GFRA1: variants seen among roughly 807,000 people sequenced by gnomAD.
GFRA1 encodes GDNF family receptor alpha-1.
In GFRA1, 16 loss-of-function variants were observed where a neutral mutation model predicts 51.6. The observed-to-expected ratio is 0.31, with a 90% CI of 0.21 to 0.47. The LOEUF is 0.47. Among genes scored for constraint, GFRA1 ranks in the 20% least tolerant of loss-of-function variants. GFRA1 has a pLI of 1.00. For missense variants in GFRA1, 530 were observed against 594.3 expected, an observed-to-expected ratio of 0.89 and a Z score of 1.13; for synonymous variants, 270 against 241.3, an observed-to-expected ratio of 1.12 and a Z score of -1.10.
chr10:116,137,288 A>T (rs1027857370), intron 5 of GFRA1, among the ~76,000 whole-genome samples: 1 of 152,216 alleles, frequency 6.6e-6, no homozygotes, highest in African/African-American at 2.4e-5. Flanking sequence ...TGAAGATCCT[A>T]TTAAGTAGCC....
chr10:116,141,574 T>C (rs1383165725), intron 5 of GFRA1, among the ~76,000 whole-genome samples: 1 of 151,970 alleles, frequency 6.6e-6, no homozygotes, highest in African/African-American at 2.4e-5. Context: ...CTATGTCCTC[T>C]TCTTTTTTTT....
chr10:116,246,955 A>G (rs1967914218), intron 4 of GFRA1, among the ~76,000 whole-genome samples: 1 of 152,228 alleles, frequency 6.6e-6, no homozygotes, highest in Admixed American at 6.5e-5. Context: ...AAGAATGCCC[A>G]TCAAGAGTGG....
At chr10:116,127,373 C>T (rs1957922455) in intron 5 of GFRA1, among the ~76,000 whole-genome samples, 1 of 152,220 alleles carries the variant, frequency 6.6e-6, no homozygotes, top group Admixed American at 6.5e-5. Flanking sequence ...ATGCGTCTTG[C>T]TTTCAGAAAA....
chr10:116,098,287 C>T (rs893604408), intron 6 of GFRA1, among the ~76,000 whole-genome samples: 5 of 152,204 alleles, frequency 3.3e-5, no homozygotes, highest in Non-Finnish European at 7.3e-5. Context: ...GGGGTGTGCG[C>T]GTGTGTACGC....
chr10:116,107,349 G>A (rs554235560), intron 6 of GFRA1, among the ~76,000 whole-genome samples: 4 of 152,292 alleles, frequency 2.6e-5, no homozygotes, highest in African/African-American at 9.6e-5. Context: ...AGGGAGAGAT[G>A]ACCATGCTGG....
chr10:116,093,965 G>A, intron 7 of GFRA1, 129 bp from the exon 8 acceptor site: 2 of 858,752 alleles, frequency 2.3e-6, no homozygotes, highest in South Asian at 1.4e-5. Flanking sequence ...TGCTGAGTGG[G>A]AAATTATGTT....
At chr10:116,243,353 A>G (rs1967556989) in intron 4 of GFRA1, among the ~76,000 whole-genome samples, 1 of 152,200 alleles carries the variant, frequency 6.6e-6, no homozygotes. Context: ...CAATAACCCA[A>G]GAAGGCATGT....
chr10:116,212,255 C>G (rs1965247622), intron 4 of GFRA1, among the ~76,000 whole-genome samples: 1 of 152,122 alleles, frequency 6.6e-6, no homozygotes, highest in Non-Finnish European at 1.5e-5. Context: ...CACGGTGGCT[C>G]ATGCCTGTAA....
intron 5 of GFRA1, among the ~76,000 whole-genome samples, chr10:116,167,222 C>T (rs776119825): frequency 8.5e-5 from 13 of 152,180 alleles, no homozygotes; most frequent in Non-Finnish European, 1.3e-4. Context: ...AATTTGCCAA[C>T]GGCTCCAAAA....
intron 6 of GFRA1, among the ~76,000 whole-genome samples, chr10:116,102,658 G>A (rs913919983): frequency 6.6e-6 from 1 of 152,030 alleles, no homozygotes; most frequent in Non-Finnish European, 1.5e-5. Flanking sequence ...AAGCAAAAGG[G>A]GTTTCCCCTT....
At chr10:116,223,683 G>A (rs929191014) in intron 4 of GFRA1, among the ~76,000 whole-genome samples, 1 of 152,200 alleles carries the variant, frequency 6.6e-6, no homozygotes, top group Non-Finnish European at 1.5e-5. Context: ...TCCTTGTGAA[G>A]AACAGTCAGC....
At chr10:116,087,646 C>T (rs990681048) in intron 9 of GFRA1, among the ~76,000 whole-genome samples, 7 of 152,132 alleles carry the variant, frequency 4.6e-5, no homozygotes, top group South Asian at 2.1e-4. Context: ...ACTGGCTTCC[C>T]GTGATCACCT....
Position 116,059,713 on chromosome 10 carries a change from G to C in GFRA1, c.*4685C>G, listed in dbSNP as rs1196930108. On this transcript the variant is annotated 3_prime_UTR_variant, in exon 11 of 11. Coordinates refer to ENST00000355422, the MANE Select transcript of GFRA1 (RefSeq NM_005264.8). Reference sequence around the variant, plus strand: ...ACCCCTGCATTGTCTCTGGGAGGGAGGAGAAGCTCATCAGAGACACTGGGA... The same window carrying C: ...ACCCCTGCATTGTCTCTGGGAGGGACGAGAAGCTCATCAGAGACACTGGGA... 6.6e-6 allele frequency: 1 copy of C among 152,232 alleles called. No homozygotes were observed. The highest frequency in any genetic ancestry group is 1.5e-5 in the Non-Finnish European group (1 of 68,060). The allele number at this position is 152,232 out of a possible 1,614,324, so 9.4% of individuals were successfully genotyped here. A position where few individuals can be genotyped will look rare whatever the true frequency, so the allele number is the denominator to read the frequency against.
At chr10:116,270,678 C>A (rs1178500484) in intron 3 of GFRA1, 144 bp downstream of exon 3, 5 of 673,106 alleles carry the variant, frequency 7.4e-6, no homozygotes, top group Non-Finnish European at 1.0e-5. Flanking sequence ...CACCAGCTGC[C>A]GTTGTCCCTG....
At chr10:116,163,600 C>T (rs1364939182) in intron 5 of GFRA1, among the ~76,000 whole-genome samples, 13 of 152,204 alleles carry the variant, frequency 8.5e-5, no homozygotes, top group Admixed American at 4.6e-4. Flanking sequence ...CCACCATCCC[C>T]GCGGGCTGTG....
intron 6 of GFRA1, among the ~76,000 whole-genome samples, chr10:116,112,250 G>A (rs1373741298): frequency 6.6e-6 from 1 of 152,136 alleles, no homozygotes; most frequent in African/African-American, 2.4e-5. Flanking sequence ...TCTTGGAGAG[G>A]TGGCATTCCC....
rs754385487 is a variant in GFRA1 at position 116,229,734 on chromosome 10, C to T, written c.419-18089G>A. ...TAGGGCTGCCCTTCCCCTAATACATCGACATTTTAAGGAAATATGTTACAC... is the reference window on the plus strand; with the variant it reads ...TAGGGCTGCCCTTCCCCTAATACATTGACATTTTAAGGAAATATGTTACAC... On this transcript the variant is annotated intron_variant, in intron 4 of 10. Transcript: ENST00000355422. Among the ~76,000 whole-genome samples, 70 of 152,096 alleles carry T rather than the reference C, an allele frequency of 4.6e-4. 1 individual carries two copies. Among genetic ancestry groups the T allele is most frequent in the Admixed American group, 8.5e-4 (13 of 15,268 alleles).
intron 5 of GFRA1, among the ~76,000 whole-genome samples, chr10:116,198,538 A>G (rs1964075737): frequency 6.6e-6 from 1 of 152,266 alleles, no homozygotes; most frequent in South Asian, 2.1e-4. Context: ...TCTTTAAGAT[A>G]TGCAGGAGAT....
chr10:116,272,097 G>T lies in GFRA1; in HGVS notation c.-68C>A. On this transcript the variant is annotated 5_prime_UTR_variant, in exon 2 of 11. Transcript: ENST00000355422. The surrounding 1 kb of genome is among the most constrained non-coding windows in gnomAD (Gnocchi z 4.4). ...CGAGCCGCCGCTGGGTCTTGCCGAGGGAGCTCAGCGTGCAGCGATCCCCGG... is the reference window on the plus strand; with the variant it reads ...CGAGCCGCCGCTGGGTCTTGCCGAGTGAGCTCAGCGTGCAGCGATCCCCGG... The T allele has an allele frequency of 1.5e-6, 2 of 1,336,438 alleles. No homozygotes were observed. Among genetic ancestry groups the T allele is most frequent in the Non-Finnish European group, 1.0e-6 (1 of 953,404 alleles). 82.8% of individuals were successfully genotyped at this position (1,336,438 alleles called of 1,614,324 possible).
Sources: gnomAD v4.1 joint callset for allele counts (sites outside exome capture counted in the v4.1 genomes callset) on GRCh38, gnomAD v4.1.1 for gene constraint, Gnocchi (gnomAD v3.1) non-coding constraint, MANE v1.5 for transcripts, NCBI Gene and HGNC (gene_info 2026-07-23, HGNC 2026-07-21) for gene names.